The following LCLAT1 variants were observed in gnomAD, a reference collection of about 807,000 sequenced individuals.
LCLAT1 encodes the protein 1-AGP acyltransferase 8.
LCLAT1 carries 11 observed loss-of-function variants against 30.7 expected under a neutral mutation model. The observed-to-expected ratio is 0.36, with a 90% CI of 0.23 to 0.59. LCLAT1 has a LOEUF of 0.59. Among genes scored for constraint, LCLAT1 ranks in the 20% least tolerant of loss-of-function variants. The pLI is 0.77. For synonymous variants in LCLAT1, 155 were observed against 151.3 expected (o/e 1.02, Z -0.18); for missense variants, 402 against 458.6 (o/e 0.88, Z 1.13).
At chr2:30,620,357 C>G (rs1415969410) in intron 5 of LCLAT1, among the ~76,000 whole-genome samples, 1 of 152,188 alleles carries the variant, frequency 6.6e-6, no homozygotes, top group African/African-American at 2.4e-5. Context: ...CAGAACTCTT[C>G]ATTTTCAATT....
At chr2:30,506,336 G>C (rs922007035) in intron 1 of LCLAT1, among the ~76,000 whole-genome samples, 3 of 151,686 alleles carry the variant, frequency 2.0e-5, no homozygotes, top group Non-Finnish European at 4.4e-5. Context: ...TCTGTCTTTG[G>C]AATATTTTTA....
chr2:30,538,565 G>T (rs1468010556), intron 3 of LCLAT1, among the ~76,000 whole-genome samples: 2 of 151,994 alleles, frequency 1.3e-5, no homozygotes, highest in Non-Finnish European at 1.5e-5. Flanking sequence ...AACCCAGGAG[G>T]TGGAGGTTGC....
intron 3 of LCLAT1, among the ~76,000 whole-genome samples, chr2:30,541,967 A>T (rs1023248126): frequency 1.3e-5 from 2 of 152,098 alleles, no homozygotes; most frequent in Admixed American, 6.5e-5. Flanking sequence ...TTCTCTTAAG[A>T]CTAGGGATTT....
At chr2:30,511,860 A>T (rs1684955511) in intron 1 of LCLAT1, among the ~76,000 whole-genome samples, 1 of 152,180 alleles carries the variant, frequency 6.6e-6, no homozygotes, top group Non-Finnish European at 1.5e-5. Context: ...CCTGCCCCTC[A>T]CTCATTACCT....
At chr2:30,561,478 T>C (rs1040545803) in intron 3 of LCLAT1, among the ~76,000 whole-genome samples, 3 of 152,168 alleles carry the variant, frequency 2.0e-5, no homozygotes, top group Non-Finnish European at 4.4e-5. Context: ...AGTCTGGTCA[T>C]TGTGGCTGGG....
At chr2:30,550,026 T>C (rs1011059736) in intron 3 of LCLAT1, among the ~76,000 whole-genome samples, 4 of 152,200 alleles carry the variant, frequency 2.6e-5, no homozygotes, top group African/African-American at 9.6e-5. Flanking sequence ...TCTTCAATTA[T>C]TACAACCAAG....
rs377750549 is a variant in LCLAT1, at chr2:30,482,155, T to G, written c.-5+34772T>G. On this transcript the variant is annotated intron_variant, in intron 1 of 5. Coordinates refer to ENST00000379509, the MANE Select transcript of LCLAT1 (RefSeq NM_001002257.3). The stretch of plus-strand genomic sequence containing the variant: ...AGAAATTCATTTTGGTTTTTGTGAT[T>G]ACAGTGTTCAGTAAGACAGACATCT... 1.8e-3 allele frequency among the ~76,000 whole-genome samples: 269 copies of G among 152,368 alleles called. 1 individual carries two copies. Among genetic ancestry groups the G allele is most frequent in the African/African-American group, 6.1e-3 (252 of 41,592 alleles).
rs371009686 is a variant in LCLAT1, at chr2:30,459,429, G to C, written c.-5+12046G>C. 2.9e-5 allele frequency: 18 copies of C among 617,800 alleles called. No individual in the cohort carries two copies. The East Asian group carries it at 3.5e-4, about 12-fold the overall frequency. The allele number at this position is 617,800 out of a possible 1,614,324, so 38.3% of individuals were successfully genotyped here. The stretch of plus-strand genomic sequence containing the variant: ...GTTGCCCTGTGCATTAATCCATTCA[G>C]TACTCAGATGTTTCAGGTCCCTGGG... On this transcript the variant is annotated intron_variant, in intron 1 of 5. Transcript: ENST00000379509.
At chr2:30,485,350 G>A (rs997201301) in intron 1 of LCLAT1, among the ~76,000 whole-genome samples, 1 of 152,064 alleles carries the variant, frequency 6.6e-6, no homozygotes, top group Non-Finnish European at 1.5e-5. Context: ...AATTTGTACC[G>A]TTTTAATTTT....
At chr2:30,509,611 C>G (rs1349308479) in intron 1 of LCLAT1, among the ~76,000 whole-genome samples, 2 of 151,716 alleles carry the variant, frequency 1.3e-5, no homozygotes, top group African/African-American at 4.8e-5. Context: ...CTCATTGTCT[C>G]CCCCAGGCTG....
rs1669279765 is a variant in LCLAT1, at chr2:30,641,052, G to A, written c.*433G>A. 6.5e-6 allele frequency: 1 copy of A among 154,886 alleles called. No homozygotes were observed. Among genetic ancestry groups the A allele is most frequent in the African/African-American group, 2.4e-5 (1 of 41,428 alleles). 9.6% of individuals were successfully genotyped at this position (154,886 alleles called of 1,614,324 possible). A position where few individuals can be genotyped will look rare whatever the true frequency, so the allele number is the denominator to read the frequency against. ...TGAGCGCTGTCCCTCCAGGTACTCA[G>A]GCAGGTGGTGCCCAGGCTCCCTCCC... On this transcript the variant is annotated 3_prime_UTR_variant, in exon 6 of 6. Coordinates refer to ENST00000379509, the MANE Select transcript of LCLAT1 (RefSeq NM_001002257.3).
chr2:30,574,334 A>C (rs2148458119), intron 5 of LCLAT1, among the ~76,000 whole-genome samples: 1 of 152,266 alleles, frequency 6.6e-6, no homozygotes, highest in South Asian at 2.1e-4. Context: ...ATACAAGGAA[A>C]CCAAAGTATT....
chr2:30,542,282 T>C (rs1045250231), intron 3 of LCLAT1, among the ~76,000 whole-genome samples: 14 of 152,164 alleles, frequency 9.2e-5, no homozygotes, highest in African/African-American at 3.4e-4. Flanking sequence ...GTCACAAATA[T>C]TTTCCCCTCC....
intron 1 of LCLAT1, among the ~76,000 whole-genome samples, chr2:30,460,734 G>C (rs1439586666): frequency 6.6e-6 from 1 of 152,154 alleles, no homozygotes; most frequent in African/African-American, 2.4e-5. Flanking sequence ...GAAAGGAGCT[G>C]TCCACATCAG....
chr2:30,452,383 ATT>A (rs200058814), intron 1 of LCLAT1, among the ~76,000 whole-genome samples: 4 of 145,950 alleles, frequency 2.7e-5, no homozygotes, highest in African/African-American at 7.5e-5. Flanking sequence ...GAAAAGTATA[ATT>A]TTTTTTTTTT....
chr2:30,581,603 C>G (rs1666216222), intron 5 of LCLAT1, among the ~76,000 whole-genome samples: 1 of 152,106 alleles, frequency 6.6e-6, no homozygotes, highest in Admixed American at 6.5e-5. Flanking sequence ...TCTCATCATT[C>G]CCAGCAACAT....
chr2:30,591,710 C>G (rs1320336687), intron 5 of LCLAT1, among the ~76,000 whole-genome samples: 1 of 152,140 alleles, frequency 6.6e-6, no homozygotes, highest in African/African-American at 2.4e-5. Flanking sequence ...TAGACTAGAG[C>G]CCACAGTCTA....
At chr2:30,536,535 T>A (rs918174114) in intron 3 of LCLAT1, among the ~76,000 whole-genome samples, 1 of 152,192 alleles carries the variant, frequency 6.6e-6, no homozygotes, top group Admixed American at 6.5e-5. Flanking sequence ...TAACTGGCAA[T>A]GCTATTCTTT....
intron 2 of LCLAT1, among the ~76,000 whole-genome samples, chr2:30,526,350 C>T (rs1391735802): frequency 6.6e-6 from 1 of 151,764 alleles, no homozygotes; most frequent in African/African-American, 2.4e-5. Flanking sequence ...TGAATGATTT[C>T]TGTTTATCTG....
Sources: gnomAD v4.1 joint callset for allele counts (sites outside exome capture counted in the v4.1 genomes callset) on GRCh38, gnomAD v4.1.1 for gene constraint, MANE v1.5 for transcripts, NCBI Gene and HGNC (gene_info 2026-07-23, HGNC 2026-07-21) for gene names.